Variants in PPIL2 observed in about 807,000 individuals in gnomAD.
The protein encoded by PPIL2 is RING-type E3 ubiquitin-protein ligase PPIL2.
A neutral mutation model predicts 75.2 loss-of-function variants in PPIL2; 50 were observed. The observed-to-expected ratio is 0.66, with a 90% CI of 0.53 to 0.84. PPIL2 has a LOEUF of 0.84. PPIL2 is among the 40% of genes least tolerant of loss of function. The pLI, the probability that PPIL2 is intolerant of heterozygous loss-of-function variation, is 0.00. For missense variants in PPIL2, 590 were observed against 685.0 expected (o/e 0.86, Z 1.55); for synonymous variants, 245 against 258.8 (o/e 0.95, Z 0.51).
rs561787870 is a variant in PPIL2 at position 21,669,587 on chromosome 22, G to A, written c.33-326G>A. On this transcript the variant is annotated intron_variant, in intron 1 of 19. Transcript: ENST00000398831. ...GTGATCTTGGCTGACTGCAACCTCC[G>A]CCTCCCGGGATCAAGCAATTCTCTG... Among the ~76,000 whole-genome samples the A allele has an allele frequency of 1.8e-4, 27 of 152,124 alleles. 2 individuals carry two copies. Among genetic ancestry groups the A allele is most frequent in the Admixed American group, 1.2e-3 (18 of 15,276 alleles).
Position 21,683,305 on chromosome 22 carries a change from A to G in PPIL2, c.553+48A>G, listed in dbSNP as rs769226772. 1.3e-5 allele frequency: 19 copies of G among 1,507,928 alleles called. No homozygotes were observed. In the South Asian group the frequency reaches 2.1e-4, roughly 17 times the overall value. 93.4% of individuals were successfully genotyped at this position (1,507,928 alleles called of 1,614,324 possible). A position where few individuals can be genotyped will look rare whatever the true frequency, so the allele number is the denominator to read the frequency against. On this transcript the variant is annotated intron_variant, in intron 9 of 19. Transcript: ENST00000398831. ...CTAGGCGAGGGGGCTTTTGGATGAA[A>G]TTGGGACAGTGCTCCCTGGGTAAAG... is the stretch of plus-strand genomic sequence containing the variant.
chr22:21,692,438 G>C (rs976451242), intron 15 of PPIL2, among the ~76,000 whole-genome samples: 1 of 151,956 alleles, frequency 6.6e-6, no homozygotes, highest in Non-Finnish European at 1.5e-5. Flanking sequence ...ACAGGCGTGA[G>C]CCACTGTGCC....
In PPIL2 at chr22:21,687,627, T is replaced by C; in HGVS notation, c.898-16T>C. ...GCAGCTCTCTGCTTCATACAAGTATTGGGGCTATGTTGCAGACACCAAAAA... is the reference window on the plus strand; with the variant it reads ...GCAGCTCTCTGCTTCATACAAGTATCGGGGCTATGTTGCAGACACCAAAAA... On this transcript the variant is annotated splice_polypyrimidine_tract_variant and intron_variant, in intron 12 of 19. Coordinates refer to ENST00000398831, the MANE Select transcript of PPIL2 (RefSeq NM_014337.4). 1.9e-6 allele frequency: 3 copies of C among 1,593,072 alleles called. No homozygotes were observed. Among genetic ancestry groups the C allele is most frequent in the Non-Finnish European group, 2.6e-6 (3 of 1,164,016 alleles).
At chr22:21,689,703 G>C (rs1358445260) in intron 15 of PPIL2, among the ~76,000 whole-genome samples, 1 of 152,220 alleles carries the variant, frequency 6.6e-6, no homozygotes, top group African/African-American at 2.4e-5. Flanking sequence ...TGGGCCTGAT[G>C]GGGGAGGAGG....
At chr22:21,666,486 G>A (rs2066386163) in intron 1 of PPIL2, among the ~76,000 whole-genome samples, 4 of 152,162 alleles carry the variant, frequency 2.6e-5, no homozygotes, top group Admixed American at 1.3e-4. Flanking sequence ...ATGCCTATCA[G>A]CCTGCAAACG....
At position 21,666,012 on chromosome 22, in the gene PPIL2, A is replaced by T; in HGVS notation, c.-88A>T. 1 of 1,488,264 alleles carries T rather than the reference A, an allele frequency of 6.7e-7. No individual in the cohort carries two copies. The highest frequency in any genetic ancestry group is 1.2e-5 in the South Asian group (1 of 81,968). The allele number at this position is 1,488,264 out of a possible 1,614,324, so 92.2% of individuals were successfully genotyped here. Reference sequence around the variant, plus strand: ...TCCGGGGCGCGCCGCGGAACCCGGAAGTGGTCACGGAACTCGGCTGCGGCT... The same window carrying T: ...TCCGGGGCGCGCCGCGGAACCCGGATGTGGTCACGGAACTCGGCTGCGGCT... On this transcript the variant is annotated 5_prime_UTR_variant, in exon 1 of 20. Coordinates refer to ENST00000398831, the MANE Select transcript of PPIL2 (RefSeq NM_014337.4).
In PPIL2 at chr22:21,682,318, C is replaced by T. The variant is rs534471629; in HGVS notation, c.388-119C>T. On this transcript the variant is annotated intron_variant, in intron 7 of 19. Coordinates refer to ENST00000398831, the MANE Select transcript of PPIL2 (RefSeq NM_014337.4). ...GTGGGGTGTACACTGCTGTCTCTCT[C>T]ATTCCTCATGCCTCTCAAATCGTGC... is the stretch of plus-strand genomic sequence containing the variant. 9.0e-5 allele frequency: 74 copies of T among 821,186 alleles called. No individual in the cohort carries two copies. In the South Asian group the frequency reaches 1.1e-3, roughly 12 times the overall value. 50.9% of individuals were successfully genotyped at this position (821,186 alleles called of 1,614,324 possible).
chr22:21,693,249 T>C (rs903442652), intron 15 of PPIL2, among the ~76,000 whole-genome samples: 3 of 152,218 alleles, frequency 2.0e-5, no homozygotes, highest in Admixed American at 6.5e-5. Context: ...GGTTTTACCA[T>C]GTTGGCCAGG....
chr22:21,691,712 GA>G (rs2067648734), intron 15 of PPIL2, among the ~76,000 whole-genome samples: 1 of 152,088 alleles, frequency 6.6e-6, no homozygotes, highest in Non-Finnish European at 1.5e-5. Context: ...GATTTTCTAG[GA>G]GGAGCTTGCC....
chr22:21,687,130 C>T lies in PPIL2; in HGVS notation c.897+132C>T, dbSNP rs184808281. 3.3e-5 allele frequency: 28 copies of T among 842,834 alleles called. No individual in the cohort carries two copies. The African/African-American group carries it at 4.2e-4, about 13-fold the overall frequency. 52.2% of individuals were successfully genotyped at this position (842,834 alleles called of 1,614,324 possible). ...AATTCAGCCTGTCACTAGGCGGGAC[C>T]CGCAGCAGTGCCCTGTGTCCTTCCT... On this transcript the variant is annotated intron_variant, in intron 12 of 19. Transcript: ENST00000398831.
rs180792150 is a variant in PPIL2 at position 21,692,892 on chromosome 22, C to G, written c.1140-924C>G. On this transcript the variant is annotated intron_variant, in intron 15 of 19. Coordinates refer to ENST00000398831, the MANE Select transcript of PPIL2 (RefSeq NM_014337.4). ...AGTGAACCGACATCGCGCCACTGCA[C>G]TCCAGCCTGGGGGACAGAGCAAGAT... Among the ~76,000 whole-genome samples, 65 of 150,090 alleles carry G rather than the reference C, an allele frequency of 4.3e-4. No homozygotes were observed. The East Asian group carries it at 0.011, about 25-fold the overall frequency.
At chr22:21,674,672 G>C (rs2066763104) in intron 5 of PPIL2, among the ~76,000 whole-genome samples, 1 of 152,172 alleles carries the variant, frequency 6.6e-6, no homozygotes, top group African/African-American at 2.4e-5. Context: ...CTGTACTCCA[G>C]CCTGGTGACA....
chr22:21,680,488 GCTACTGCAC>G (rs2067067942), intron 6 of PPIL2, among the ~76,000 whole-genome samples: 1 of 151,984 alleles, frequency 6.6e-6, no homozygotes, highest in Non-Finnish European at 1.5e-5. Flanking sequence ...CCGAGATCAC[GCTACTGCAC>G]CTCAGCCTGG....
Position 21,694,931 on chromosome 22 carries a change from C to T in PPIL2, c.1333-6C>T. ...GCCGGTTAGCCAGCGCCCTGTTGTG[C>T]CACAGATTGCGCAGGAGCGGAAGAC... On this transcript the variant is annotated splice_region_variant and splice_polypyrimidine_tract_variant and intron_variant, in intron 18 of 19. Coordinates refer to ENST00000398831, the MANE Select transcript of PPIL2 (RefSeq NM_014337.4). 6.2e-7 allele frequency: 1 copy of T among 1,612,552 alleles called. No individual in the cohort carries two copies. Among genetic ancestry groups the T allele is most frequent in the Non-Finnish European group, 8.5e-7 (1 of 1,179,290 alleles).
Position 21,697,037 on chromosome 22 carries a change from T to A in PPIL2, c.*1547T>A, listed in dbSNP as rs1268759881. The A allele has an allele frequency of 1.3e-6, 2 of 1,524,930 alleles. No homozygotes were observed. 94.5% of individuals were successfully genotyped at this position (1,524,930 alleles called of 1,614,324 possible). A position where few individuals can be genotyped will look rare whatever the true frequency, so the allele number is the denominator to read the frequency against. On this transcript the variant is annotated 3_prime_UTR_variant, in exon 20 of 20. Coordinates refer to ENST00000398831, the MANE Select transcript of PPIL2 (RefSeq NM_014337.4). ...CTCTGCAGCCTGTCATCCCTGTCTG[T>A]GACCATTGGTCGGGCCCCTGGGCTC...
chr22:21,666,663 G>T (rs1337484803), intron 1 of PPIL2, among the ~76,000 whole-genome samples: 1 of 152,058 alleles, frequency 6.6e-6, no homozygotes, highest in Non-Finnish European at 1.5e-5. Flanking sequence ...ACAAAAATTA[G>T]CGGGGCGTGG....
chr22:21,687,806 C>T (rs2067438464), intron 13 of PPIL2, 74 bp downstream of exon 13: 8 of 1,443,066 alleles, frequency 5.5e-6, no homozygotes, highest in Non-Finnish European at 7.7e-6. Context: ...TTGTCCCTGC[C>T]CCATCCCAGG....
At position 21,688,127 on chromosome 22, in the gene PPIL2, CCT is replaced by C. The variant is rs1569038910; in HGVS notation, c.1021+26_1021+27del. ...CACGGGTAGGTACTGGTGCTGGGCC[CCT>C]CTCTGGGCACTTTGGCTGCTCCGTG... On this transcript the variant is annotated intron_variant, in intron 14 of 19. Transcript: ENST00000398831. The C allele has an allele frequency of 3.7e-6, 6 of 1,613,970 alleles. No individual in the cohort carries two copies. The Admixed American group carries it at 6.7e-5, about 18-fold the overall frequency.
rs767614189 is a variant in PPIL2, at chr22:21,688,097, A to T, written c.1012A>T (p.Thr338Ser). 3.1e-6 allele frequency: 5 copies of T among 1,614,068 alleles called. No homozygotes were observed. In the Admixed American group the frequency reaches 8.3e-5, roughly 27 times the overall value. The stretch of plus-strand genomic sequence containing the variant: ...GATCCAAGGGGGCGACCCCACAGGC[A>T]CAGGCACGGGTAGGTACTGGTGCTG... ...FVIQGGDPTGTGTGGESYWGK... is the reference protein window; with the variant it reads ...FVIQGGDPTGSGTGGESYWGK... Residue 338 changes from threonine (T) to serine (S), a missense_variant, in exon 14 of 20, where the codon ACA (threonine) becomes TCA (serine). Coordinates refer to ENST00000398831, the MANE Select transcript of PPIL2 (RefSeq NM_014337.4).
Sources: gnomAD v4.1 joint callset for allele counts (sites outside exome capture counted in the v4.1 genomes callset) on GRCh38, gnomAD v4.1.1 for gene constraint, MANE v1.5 for transcripts, NCBI Gene and HGNC (gene_info 2026-07-23, HGNC 2026-07-21) for gene names.